POGLUT1: variants seen among roughly 807,000 people sequenced by gnomAD.
The protein encoded by POGLUT1 is 9630046K23Rik.
Under a neutral mutation model 61.3 loss-of-function variants are expected in POGLUT1, and 32 were observed. That is an observed-to-expected ratio of 0.52 (90% CI 0.39 to 0.70). POGLUT1 has a LOEUF of 0.70. POGLUT1 is among the 30% of genes least tolerant of loss of function. The pLI, the probability that POGLUT1 is intolerant of heterozygous loss-of-function variation, is 0.00. For missense variants in POGLUT1, 411 were observed against 469.8 expected, an observed-to-expected ratio of 0.87 and a Z score of 1.16; for synonymous variants, 158 against 158.2, an observed-to-expected ratio of 1.00 and a Z score of 0.01.
At position 119,493,491 on chromosome 3, in the gene POGLUT1, A is replaced by T. The variant is rs1391183919; in HGVS notation, c.*1053A>T. 2 of 152,220 alleles carry T rather than the reference A, an allele frequency of 1.3e-5. No homozygotes were observed. The highest frequency in any genetic ancestry group is 4.8e-5 in the African/African-American group (2 of 41,458). 9.4% of individuals were successfully genotyped at this position (152,220 alleles called of 1,614,324 possible). On this transcript the variant is annotated 3_prime_UTR_variant, in exon 11 of 11. Transcript: ENST00000295588. ...AGGGTGCTCTTTCTAACATAGTAAA[A>T]AATGAAGAAAAATGTTTAGATTAAA... is the stretch of plus-strand genomic sequence containing the variant.
At position 119,483,107 on chromosome 3, in the gene POGLUT1, T is replaced by C. The variant is rs565862708; in HGVS notation, c.579-2221T>C. Among the ~76,000 whole-genome samples the C allele has an allele frequency of 9.2e-5, 14 of 152,342 alleles. No individual in the cohort carries two copies. In the South Asian group the frequency reaches 2.9e-3, roughly 32 times the overall value. On this transcript the variant is annotated intron_variant, in intron 5 of 10. Transcript: ENST00000295588. ...TTGATACATGTTTTGTTAGATAGTT[T>C]GACAATATGTATCAAAATTGGAAAT... is the stretch of plus-strand genomic sequence containing the variant.
Position 119,492,701 on chromosome 3 carries a change from T to C in POGLUT1, c.*263T>C. 1 of 210,940 alleles carries C rather than the reference T, an allele frequency of 4.7e-6. No individual in the cohort carries two copies. Among genetic ancestry groups the C allele is most frequent in the East Asian group, 1.0e-4 (1 of 9,664 alleles). The allele number at this position is 210,940 out of a possible 1,614,324, so 13.1% of individuals were successfully genotyped here. ...TGGATTTTGAACCCAACTCTACCTTTCATTTTCTTAAGACCAATCACAGCT... is the reference window on the plus strand; with the variant it reads ...TGGATTTTGAACCCAACTCTACCTTCCATTTTCTTAAGACCAATCACAGCT... On this transcript the variant is annotated 3_prime_UTR_variant, in exon 11 of 11. Transcript: ENST00000295588.
At position 119,493,432 on chromosome 3, in the gene POGLUT1, G is replaced by A. The variant is rs1428432038; in HGVS notation, c.*994G>A. 1 of 151,920 alleles carries A rather than the reference G, an allele frequency of 6.6e-6. No individual in the cohort carries two copies. Among genetic ancestry groups the A allele is most frequent in the Non-Finnish European group, 1.5e-5 (1 of 67,944 alleles). The allele number at this position is 151,920 out of a possible 1,614,324, so 9.4% of individuals were successfully genotyped here. A position where few individuals can be genotyped will look rare whatever the true frequency, so the allele number is the denominator to read the frequency against. The stretch of plus-strand genomic sequence containing the variant: ...CTCCCTTTTCCTTTTTTCACTTTTT[G>A]AAAAAGATGTTTTGGGTAGTAGTTT... On this transcript the variant is annotated 3_prime_UTR_variant, in exon 11 of 11. Coordinates refer to ENST00000295588, the MANE Select transcript of POGLUT1 (RefSeq NM_152305.3).
chr3:119,472,377 T>G (rs2081484699), intron 3 of POGLUT1, among the ~76,000 whole-genome samples: 1 of 152,208 alleles, frequency 6.6e-6, no homozygotes, highest in Non-Finnish European at 1.5e-5. Context: ...TTGTATTATT[T>G]GTATTTAATA....
rs71156748 is a variant in POGLUT1, at chr3:119,492,057, A to AAAATAAATAAAT, written c.1023-209_1023-198dup. On this transcript the variant is annotated intron_variant, in intron 10 of 10. Coordinates refer to ENST00000295588, the MANE Select transcript of POGLUT1 (RefSeq NM_152305.3). ...CAACAAGAGCGAAACTCCGTCTCAA[A>AAAATAAATAAAT]AAATAAATAAATAAATAAATAAATA... Among the ~76,000 whole-genome samples the AAAATAAATAAAT allele has an allele frequency of 0.036, 5,444 of 150,442 alleles. 213 individuals are homozygous for AAAATAAATAAAT. Among genetic ancestry groups the AAAATAAATAAAT allele is most frequent in the African/African-American group, 0.079 (3,234 of 41,042 alleles).
At chr3:119,483,890 A>T (rs1156360596) in intron 5 of POGLUT1, among the ~76,000 whole-genome samples, 1 of 152,242 alleles carries the variant, frequency 6.6e-6, no homozygotes, top group Non-Finnish European at 1.5e-5. Flanking sequence ...AGCTACTAAT[A>T]TGAATAAATG....
Position 119,485,340 on chromosome 3 carries a change from G to A in POGLUT1, c.591G>A (p.Gln197=), listed in dbSNP as rs779472948. 2 of 1,602,062 alleles carry A rather than the reference G, an allele frequency of 1.2e-6. No homozygotes were observed. The highest frequency in any genetic ancestry group is 1.7e-6 in the Non-Finnish European group (2 of 1,169,448). ...FREDLVRSAA[Q]WPWKKKNSTA... ...TCTATATTCTTAGGTCAGCAGCACAGTGGCCATGGAAAAAGAAAAACTCTA... is the reference window on the plus strand; with the variant it reads ...TCTATATTCTTAGGTCAGCAGCACAATGGCCATGGAAAAAGAAAAACTCTA... The change falls in exon 6 of 11, where the codon CAG becomes CAA. Residue 197 remains glutamine (Q), a synonymous_variant. Transcript: ENST00000295588.
chr3:119,471,342 A>G lies in POGLUT1; in HGVS notation c.210A>G (p.Gly70=), dbSNP rs2107704679. The G allele has an allele frequency of 1.2e-6, 2 of 1,613,764 alleles. No homozygotes were observed. Among genetic ancestry groups the G allele is most frequent in the South Asian group, 2.2e-5 (2 of 91,068 alleles). The change falls in exon 3 of 11, where the codon GGA becomes GGG. Residue 70 remains glycine, a synonymous_variant. Transcript: ENST00000295588. ...AAGAGGATCTAACTCCTTTCCGAGG[A>G]GGCATCTCCAGGAAGATGATGGCAG... ...VIEEDLTPFR[G]GISRKMMAEV...
At chr3:119,470,235 A>G (rs1577074970) in intron 2 of POGLUT1, among the ~76,000 whole-genome samples, 2 of 152,296 alleles carry the variant, frequency 1.3e-5, no homozygotes, top group Admixed American at 1.3e-4. Flanking sequence ...AAATAAACCC[A>G]TCTATCGCTG....
At chr3:119,469,172 C>A in intron 1 of POGLUT1, 66 bp downstream of exon 1, 1 of 1,303,438 alleles carries the variant, frequency 7.7e-7, no homozygotes, top group Non-Finnish European at 1.1e-6. Flanking sequence ...CCGAGGCGCT[C>A]CCCCGCGCGG....
intron 7 of POGLUT1, 145 bp from the exon 8 acceptor site, chr3:119,488,784 A>G (rs1028881497): frequency 1.4e-5 from 6 of 434,664 alleles, no homozygotes; most frequent in Non-Finnish European, 2.5e-5. Flanking sequence ...GCATTTATAT[A>G]ATGGGAATAA....
chr3:119,478,179 G>T (rs2081562329), intron 4 of POGLUT1: 2 of 362,586 alleles, frequency 5.5e-6, no homozygotes. Context: ...AGGAAGGCTA[G>T]AAGAGAGTGG....
Position 119,469,827 on chromosome 3 carries a change from A to G in POGLUT1, c.93A>G (p.Lys31=). 6.3e-7 allele frequency: 1 copy of G among 1,588,744 alleles called. No individual in the cohort carries two copies. Among genetic ancestry groups the G allele is most frequent in the East Asian group, 2.2e-5 (1 of 44,752 alleles). The change falls in exon 2 of 11, where the codon AAA becomes AAG. Residue 31 remains lysine (K), a synonymous_variant. Coordinates refer to ENST00000295588, the MANE Select transcript of POGLUT1 (RefSeq NM_152305.3). ...TTACTTCACTTTTTAAAGGTTCAAA[A>G]TGGAAAGTATTTATTGACCAAATTA... ...AQGRQKESGS[K]WKVFIDQINR... is the part of the protein sequence containing the mutation.
intron 3 of POGLUT1, among the ~76,000 whole-genome samples, chr3:119,474,846 TA>T (rs1241936822): frequency 7.2e-5 from 11 of 151,878 alleles, no homozygotes; most frequent in African/African-American, 2.4e-4. Context: ...TCTCAAAAAA[TA>T]AAAATTAAAT....
At chr3:119,469,506 A>ATCCTCTTTG (rs1230696010) in intron 1 of POGLUT1, among the ~76,000 whole-genome samples, 1 of 152,186 alleles carries the variant, frequency 6.6e-6, no homozygotes, top group East Asian at 1.9e-4. Context: ...CTTTTAACTG[A>ATCCTCTTTG]TCCTCTTTGT....
intron 10 of POGLUT1, 56 bp downstream of exon 10, chr3:119,491,630 C>T: frequency 1.2e-6 from 1 of 850,148 alleles, no homozygotes; most frequent in South Asian, 1.6e-5. Flanking sequence ...CCCATTATGC[C>T]CTAGCCAAAG....
At chr3:119,473,462 CA>C (rs1400027498) in intron 3 of POGLUT1, among the ~76,000 whole-genome samples, 1 of 152,040 alleles carries the variant, frequency 6.6e-6, no homozygotes. Flanking sequence ...CCTTCATTAG[CA>C]ATAAAATAAT....
intron 3 of POGLUT1, among the ~76,000 whole-genome samples, chr3:119,473,687 A>T (rs2081503335): frequency 1.3e-5 from 2 of 150,494 alleles, no homozygotes; most frequent in South Asian, 4.2e-4. Flanking sequence ...GAGAGAGAGA[A>T]TCTCACTCTG....
Position 119,486,837 on chromosome 3 carries a change from A to G in POGLUT1, c.643A>G (p.Ser215Gly). 2 of 1,608,560 alleles carry G rather than the reference A, an allele frequency of 1.2e-6. No individual in the cohort carries two copies. Among genetic ancestry groups the G allele is most frequent in the Non-Finnish European group, 1.7e-6 (2 of 1,174,872 alleles). ...TGTCACGTGTTTCTTTTATAGGACA[A>G]GTCCAGAACGAGATCCTCTCATTCT... ...STAYFRGSRT[S>G]PERDPLILLS... The change falls in exon 7 of 11, where the codon AGT (serine) becomes GGT (glycine). Residue 215 changes from serine to glycine, a missense_variant. Physicochemically the swap from Ser to Gly is moderately conservative, Grantham distance 56. Transcript: ENST00000295588.
Sources: gnomAD v4.1 joint callset for allele counts (sites outside exome capture counted in the v4.1 genomes callset) on GRCh38, gnomAD v4.1.1 for gene constraint, MANE v1.5 for transcripts, NCBI Gene and HGNC (gene_info 2026-07-23, HGNC 2026-07-21) for gene names.